Variants in VPS13B observed in about 807,000 individuals in gnomAD.
VPS13B encodes the protein intermembrane lipid transfer protein VPS13B.
Under a neutral mutation model 426.4 loss-of-function variants are expected in VPS13B, and 285 were observed. The observed-to-expected ratio is 0.67, with a 90% CI of 0.61 to 0.74. The LOEUF (loss-of-function observed/expected upper bound fraction) is 0.74, where lower values mean the gene tolerates loss of function less well. VPS13B is among the 30% of genes least tolerant of loss of function. The pLI, the probability that VPS13B is intolerant of heterozygous loss-of-function variation, is 0.00. For synonymous variants in VPS13B, 1,676 were observed against 1,676.4 expected (o/e 1.00, Z 0.01); for missense variants, 4,537 against 4,782.6 (o/e 0.95, Z 1.51).
chr8:99,519,867 G>A (rs1224896868), intron 29 of VPS13B, among the ~76,000 whole-genome samples: 1 of 152,002 alleles, frequency 6.6e-6, no homozygotes, highest in Non-Finnish European at 1.5e-5. Context: ...AAGTTAATGG[G>A]TGCAGCACAT....
intron 15 of VPS13B, among the ~76,000 whole-genome samples, chr8:99,157,214 T>C (rs552535403): frequency 6.6e-6 from 1 of 152,144 alleles, no homozygotes; most frequent in East Asian, 1.9e-4. Context: ...GCATATGCCA[T>C]TTTATCATGC....
chr8:99,056,599 T>C (rs1186556082), intron 3 of VPS13B, among the ~76,000 whole-genome samples: 6 of 152,206 alleles, frequency 3.9e-5, no homozygotes, highest in Admixed American at 2.6e-4. Context: ...TGTCTTGTTA[T>C]TTATCTTTGA....
At chr8:99,307,783 A>G (rs901494560) in intron 19 of VPS13B, among the ~76,000 whole-genome samples, 4 of 151,698 alleles carry the variant, frequency 2.6e-5, no homozygotes, top group African/African-American at 9.7e-5. Context: ...TTATTATTTC[A>G]TGTCATCTCC....
chr8:99,655,997 G>A (rs919183069), intron 34 of VPS13B, among the ~76,000 whole-genome samples: 1 of 152,142 alleles, frequency 6.6e-6, no homozygotes, highest in African/African-American at 2.4e-5. Flanking sequence ...CAAACAAAAC[G>A]AATGCAGTCT....
chr8:99,013,765 G>T lies in VPS13B; in HGVS notation c.-24G>T. 1 of 1,613,774 alleles carries T rather than the reference G, an allele frequency of 6.2e-7. No homozygotes were observed. The highest frequency in any genetic ancestry group is 1.1e-5 in the South Asian group (1 of 90,958). ...TTTCTGTCTACTCCTTTCAGCTTCCGACTTCGACTCCTTACCTTAAAAGAT... is the reference window on the plus strand; with the variant it reads ...TTTCTGTCTACTCCTTTCAGCTTCCTACTTCGACTCCTTACCTTAAAAGAT... On this transcript the variant is annotated 5_prime_UTR_variant, in exon 2 of 62. Transcript: ENST00000357162.
chr8:99,784,195 G>A (rs1812148990), intron 42 of VPS13B, 120 bp from the exon 43 acceptor site: 6 of 1,250,634 alleles, frequency 4.8e-6, no homozygotes, highest in Non-Finnish European at 7.0e-6. Flanking sequence ...GTATACCAGA[G>A]CTAATGACAA....
intron 41 of VPS13B, among the ~76,000 whole-genome samples, chr8:99,777,901 C>T (rs980399341): frequency 6.6e-6 from 1 of 152,056 alleles, no homozygotes; most frequent in Non-Finnish European, 1.5e-5. Context: ...TTTTGACCTA[C>T]ATGTAATGAA....
chr8:99,289,471 G>T (rs1283372871), intron 19 of VPS13B, among the ~76,000 whole-genome samples: 1 of 152,006 alleles, frequency 6.6e-6, no homozygotes, highest in Non-Finnish European at 1.5e-5. Flanking sequence ...ATTAGCTATG[G>T]TTAGTGTTAC....
chr8:99,087,214 C>T (rs1311381781), intron 3 of VPS13B, among the ~76,000 whole-genome samples: 1 of 152,184 alleles, frequency 6.6e-6, no homozygotes, highest in Non-Finnish European at 1.5e-5. Flanking sequence ...GACTGCTGTG[C>T]TAGCAATCAG....
At chr8:99,080,545 A>G (rs1826689840) in intron 3 of VPS13B, among the ~76,000 whole-genome samples, 2 of 152,178 alleles carry the variant, frequency 1.3e-5, no homozygotes, top group Admixed American at 6.5e-5. Context: ...ATCCATATAT[A>G]TCACGATCTG....
intron 19 of VPS13B, among the ~76,000 whole-genome samples, chr8:99,337,364 G>T (rs1310646981): frequency 7.5e-6 from 1 of 132,562 alleles, no homozygotes; most frequent in Non-Finnish European, 1.6e-5. Context: ...GGACTGTTGT[G>T]GGGTGGGGGG....
chr8:99,864,493 G>C (rs1480277420), intron 58 of VPS13B, among the ~76,000 whole-genome samples: 1 of 152,208 alleles, frequency 6.6e-6, no homozygotes, highest in Non-Finnish European at 1.5e-5. Context: ...GGTCAAGGCT[G>C]CAGTGAGCTG....
chr8:99,867,347 G>A (rs1038861683), intron 58 of VPS13B, among the ~76,000 whole-genome samples: 11 of 152,170 alleles, frequency 7.2e-5, no homozygotes, highest in African/African-American at 2.7e-4. Flanking sequence ...ACTGCCTGAG[G>A]GGCTCCTTTC....
chr8:99,714,078 G>T (rs1163387982), intron 36 of VPS13B, among the ~76,000 whole-genome samples: 1 of 149,682 alleles, frequency 6.7e-6, no homozygotes, highest in Non-Finnish European at 1.5e-5. Context: ...GGCAGAGGTT[G>T]CAGTGAGCCG....
chr8:99,871,727 C>T lies in VPS13B; in HGVS notation c.11745+30C>T, dbSNP rs375011360. On this transcript the variant is annotated intron_variant, in intron 61 of 61. Coordinates refer to ENST00000357162, the MANE Select transcript of VPS13B (RefSeq NM_152564.5). ...GTTTCAGAAAACAGGGCAACCAAGA[C>T]TAGCTGGCCAGGGAGGTTGAGGAGC... is the stretch of plus-strand genomic sequence containing the variant. The T allele has an allele frequency of 9.9e-6, 16 of 1,612,056 alleles. No homozygotes were observed. In the African/African-American group the frequency reaches 2.1e-4, roughly 22 times the overall value.
At chr8:99,531,632 C>T (rs1822941811) in intron 30 of VPS13B, among the ~76,000 whole-genome samples, 2 of 151,956 alleles carry the variant, frequency 1.3e-5, no homozygotes, top group South Asian at 4.2e-4. Flanking sequence ...TATTTTAAAA[C>T]AATTATGACT....
chr8:99,025,382 T>C (rs1842083547), intron 2 of VPS13B, among the ~76,000 whole-genome samples: 1 of 152,284 alleles, frequency 6.6e-6, no homozygotes, highest in African/African-American at 2.4e-5. Flanking sequence ...GAGGAAAAGC[T>C]TTTTGGCCCA....
rs1241624587 is a variant in VPS13B, at chr8:99,661,410, G to A, written c.5965G>A (p.Val1989Met). The A allele has an allele frequency of 1.9e-6, 3 of 1,613,782 alleles. No homozygotes were observed. Among genetic ancestry groups the A allele is most frequent in the East Asian group, 2.2e-5 (1 of 44,840 alleles). ...TTATTGCACTGTTTGGCTACAGACA[G>A]TGCCTGGAGAAATAGACAGCAAAAG... is the stretch of plus-strand genomic sequence containing the variant. ...LDYCTVWLQT[V>M]PGEIDSKSGI... The change falls in exon 35 of 62, where the codon GTG becomes ATG. Residue 1989 changes from valine (V) to methionine (M), a missense_variant. Val to Met is a conservative substitution (Grantham distance 21). Transcript: ENST00000357162.
chr8:99,434,679 C>T (rs1336416993), intron 22 of VPS13B, among the ~76,000 whole-genome samples: 1 of 152,130 alleles, frequency 6.6e-6, no homozygotes, highest in African/African-American at 2.4e-5. Context: ...CATTCCTTTA[C>T]ATGTTTCTTT....
Sources: allele counts gnomAD v4.1 joint callset (sites outside exome capture counted in the v4.1 genomes callset), GRCh38; gene constraint gnomAD v4.1.1; transcripts MANE v1.5; gene names NCBI Gene and HGNC (gene_info 2026-07-23, HGNC 2026-07-21).